The following OTOF variants were observed in gnomAD, a reference collection of about 807,000 sequenced individuals.
OTOF encodes the protein otoferlin.
Under a neutral mutation model 236.8 loss-of-function variants are expected in OTOF, and 218 were observed. That is an observed-to-expected ratio of 0.92 (90% CI 0.82 to 1.03). The LOEUF (loss-of-function observed/expected upper bound fraction) is 1.03, where lower values mean the gene tolerates loss of function less well. Among genes scored for constraint, OTOF ranks in the 50% least tolerant of loss-of-function variants. The pLI, the probability that OTOF is intolerant of heterozygous loss-of-function variation, is 0.00. For synonymous variants in OTOF, 1,041 were observed against 1,072.5 expected, an observed-to-expected ratio of 0.97 and a Z score of 0.57; for missense variants, 2,590 against 2,694.4, an observed-to-expected ratio of 0.96 and a Z score of 0.86.
intron 1 of OTOF, among the ~76,000 whole-genome samples, chr2:26,544,103 T>C (rs913842655): frequency 2.0e-5 from 3 of 152,284 alleles, no homozygotes; most frequent in African/African-American, 7.2e-5. Context: ...AGCTTATTTT[T>C]AGTAGCATGG....
intron 46 of OTOF, among the ~76,000 whole-genome samples, chr2:26,459,221 TC>T (rs1378324895): frequency 1.3e-5 from 2 of 152,158 alleles, no homozygotes; most frequent in Non-Finnish European, 2.9e-5. Flanking sequence ...CCTTCCCTTT[TC>T]CCTGTCCATA....
intron 11 of OTOF, 72 bp from the exon 12 acceptor site, chr2:26,484,705 C>T: frequency 1.3e-6 from 2 of 1,520,164 alleles, no homozygotes; most frequent in South Asian, 2.3e-5. Context: ...CAGGGCAGGC[C>T]AAGGGGTGGC....
rs1171079529 is a variant in OTOF at position 26,461,653 on chromosome 2, T to C, written c.5533+43A>G. 1.2e-6 allele frequency: 2 copies of C among 1,611,144 alleles called. No individual in the cohort carries two copies. Among genetic ancestry groups the C allele is most frequent in the African/African-American group, 2.7e-5 (2 of 74,848 alleles). ...CCGCCAACCCGGCCCCTGCCTCTTC[T>C]CAGTTCTGGATCCTGAACCCCCATC... is the stretch of plus-strand genomic sequence containing the variant. On this transcript the variant is annotated intron_variant, in intron 43 of 46. Coordinates refer to ENST00000272371, the MANE Select transcript of OTOF (RefSeq NM_194248.3). The surrounding 1 kb of genome is among the most constrained non-coding windows in gnomAD (Gnocchi z 6.2).
In OTOF at chr2:26,473,244, C is replaced by T. The variant is rs1665084488; in HGVS notation, c.3621G>A (p.Val1207=). 1.2e-6 allele frequency: 2 copies of T among 1,613,326 alleles called. No homozygotes were observed. Among genetic ancestry groups the T allele is most frequent in the Admixed American group, 1.7e-5 (1 of 60,000 alleles). The part of the protein sequence containing the change: ...LLHPPLNIRV[V]DCRAFGRYTL... ...TGTAGCGACCGAAGGCCCGGCAGTCCACCACACGGATGTTCAAGGGCGGGT... is the reference window on the plus strand; with the variant it reads ...TGTAGCGACCGAAGGCCCGGCAGTCTACCACACGGATGTTCAAGGGCGGGT... The change falls in exon 29 of 47, where the codon GTG becomes GTA. Residue 1207 remains valine, a synonymous_variant. Coordinates refer to ENST00000272371, the MANE Select transcript of OTOF (RefSeq NM_194248.3). The surrounding 1 kb of genome is among the most constrained non-coding windows in gnomAD (Gnocchi z 7.2).
At chr2:26,529,005 T>G (rs1020660617) in intron 2 of OTOF, among the ~76,000 whole-genome samples, 1 of 152,180 alleles carries the variant, frequency 6.6e-6, no homozygotes, top group African/African-American at 2.4e-5. Context: ...AAGTCATCTA[T>G]TTGCGCTCCA....
chr2:26,537,362 G>A (rs1006362433), intron 2 of OTOF, among the ~76,000 whole-genome samples: 55 of 152,302 alleles, frequency 3.6e-4, no homozygotes, highest in African/African-American at 1.1e-3. Context: ...CGCCTGCCTC[G>A]TTGGGCCCTC....
intron 25 of OTOF, 77 bp downstream of exon 25, chr2:26,475,282 T>C: frequency 6.5e-7 from 1 of 1,539,776 alleles, no homozygotes; most frequent in Non-Finnish European, 9.0e-7. Flanking sequence ...GGGCACAGCC[T>C]CAGCGCAGGT....
rs754668651 is a variant in OTOF, at chr2:26,482,437, G to A, written c.1548C>T (p.Asp516=). ...CTCCGTCATTAGAAATCTTGCGCAG[G>A]TCAATGAAGTGGGTGCCGATGGCCA... ...NDVAIGTHFI[D]LRKISNDGDK... Residue 516 remains aspartate, a synonymous_variant, in exon 14 of 47, where the codon GAC becomes GAT. Transcript: ENST00000272371. The A allele has an allele frequency of 3.1e-6, 5 of 1,613,348 alleles. No individual in the cohort carries two copies. Among genetic ancestry groups the A allele is most frequent in the East Asian group, 4.5e-5 (2 of 44,888 alleles).
chr2:26,464,041 G>C lies in OTOF; in HGVS notation c.5026C>G (p.Arg1676Gly), dbSNP rs139767460. 1 of 1,613,538 alleles carries C rather than the reference G, an allele frequency of 6.2e-7. No individual in the cohort carries two copies. Among genetic ancestry groups the C allele is most frequent in the Non-Finnish European group, 8.5e-7 (1 of 1,180,004 alleles). ...LALRHWEDIP[R>G]AGCRLVPEHV... ...TCTGGCACCAGGCGGCAGCCTGCGC[G>C]GGGGATGTCCTCCCAGTGCCTCAGG... The change falls in exon 40 of 47, where the codon CGC (arginine) becomes GGC (glycine). Residue 1676 changes from arginine to glycine, a missense_variant. This residue lies in a region of OTOF where 1,211 missense variants were observed against 1,352.8 expected (regional missense o/e 0.90). Coordinates refer to ENST00000272371, the MANE Select transcript of OTOF (RefSeq NM_194248.3).
Position 26,461,222 on chromosome 2 carries a change from C to A in OTOF, c.5534-192G>T, listed in dbSNP as rs1238043809. ...TCGTGGGCTTGCTAGGCAGCCCCAG[C>A]CCCCATGCTTTACTCAGGTCCTTCT... On this transcript the variant is annotated intron_variant, in intron 43 of 46. Transcript: ENST00000272371. The surrounding 1 kb of genome is among the most constrained non-coding windows in gnomAD (Gnocchi z 6.2). Among the ~76,000 whole-genome samples the A allele has an allele frequency of 6.6e-6, 1 of 152,160 alleles. No homozygotes were observed. Among genetic ancestry groups the A allele is most frequent in the Admixed American group, 6.5e-5 (1 of 15,286 alleles).
At chr2:26,494,040 G>GA (rs754750081) in intron 9 of OTOF, among the ~76,000 whole-genome samples, 4 of 152,212 alleles carry the variant, frequency 2.6e-5, no homozygotes, top group Non-Finnish European at 5.9e-5. Context: ...AGCTGATTAT[G>GA]ATGGGGTCCC....
At chr2:26,489,479 G>T (rs144090653) in intron 10 of OTOF, among the ~76,000 whole-genome samples, 184 bp from the exon 11 acceptor site, 1 of 152,222 alleles carries the variant, frequency 6.6e-6, no homozygotes, top group Admixed American at 6.5e-5. Context: ...GTTTACGGGC[G>T]AATGCACTAT....
chr2:26,553,025 T>C (rs1013293716), intron 1 of OTOF, among the ~76,000 whole-genome samples: 2 of 152,154 alleles, frequency 1.3e-5, no homozygotes, highest in Non-Finnish European at 2.9e-5. Context: ...AGTTTCCAAA[T>C]AGTAGCTATA....
rs1666606770 is a variant in OTOF at position 26,519,009 on chromosome 2, C to T, written c.327+1G>A. 6.2e-7 allele frequency: 1 copy of T among 1,602,514 alleles called. No individual in the cohort carries two copies. Among genetic ancestry groups the T allele is most frequent in the African/African-American group, 1.3e-5 (1 of 74,958 alleles). ...CCAGGAACTCCGTGGGGCATACCCA[C>T]CTTGATGATAGCATTGTTGTCATCA... On this transcript the variant is annotated splice_donor_variant, in intron 4 of 46. Coordinates refer to ENST00000272371, the MANE Select transcript of OTOF (RefSeq NM_194248.3). LOFTEE classifies it high-confidence loss of function.
Position 26,479,272 on chromosome 2 carries a change from C to T in OTOF, c.2206G>A (p.Asp736Asn), listed in dbSNP as rs776154354. The T allele has an allele frequency of 1.6e-5, 25 of 1,612,594 alleles. No individual in the cohort carries two copies. Among genetic ancestry groups the T allele is most frequent in the Admixed American group, 3.3e-5 (2 of 59,986 alleles). Residue 736 changes from aspartate (D) to asparagine (N), a missense_variant, in exon 18 of 47, where the codon GAC becomes AAC. Transcript: ENST00000272371. ...YNANIMDHIA[D>N]KLEEGLNDIQ... ...CCTGGCCTGGCCCTGACCAGCTTGT[C>T]GGCAATGTGGTCCATGATGTTGGCA... is the stretch of plus-strand genomic sequence containing the variant.
At chr2:26,458,630 C>G (rs540639204) in intron 46 of OTOF, among the ~76,000 whole-genome samples, 2 of 152,324 alleles carry the variant, frequency 1.3e-5, no homozygotes, top group South Asian at 4.1e-4. Context: ...TGCTGAGGGT[C>G]TGAGCAGCCC....
At chr2:26,478,429 ATGAGCTGGC>A (rs1261084879) in intron 18 of OTOF, among the ~76,000 whole-genome samples, 1 of 152,202 alleles carries the variant, frequency 6.6e-6, no homozygotes, top group Non-Finnish European at 1.5e-5. Context: ...TTTATAAAAT[ATGAGCTGGC>A]TGAGCTTCAG....
chr2:26,472,206 T>C (rs1327318052), intron 30 of OTOF: 7 of 423,460 alleles, frequency 1.7e-5, no homozygotes, highest in African/African-American at 4.1e-5. Flanking sequence ...ACGATGCACA[T>C]ATGCACACCA....
chr2:26,473,912 G>T lies in OTOF; in HGVS notation c.3408+79C>A. The T allele has an allele frequency of 6.4e-6, 10 of 1,569,068 alleles. No homozygotes were observed. Among genetic ancestry groups the T allele is most frequent in the Non-Finnish European group, 8.8e-6 (10 of 1,140,740 alleles). ...CTGGCTCCTGGTGATGGTGGTGGGA[G>T]GGGGATGACAAGCCACTTCCCCTCC... On this transcript the variant is annotated intron_variant, in intron 27 of 46. Coordinates refer to ENST00000272371, the MANE Select transcript of OTOF (RefSeq NM_194248.3). The surrounding 1 kb of genome is among the most constrained non-coding windows in gnomAD (Gnocchi z 7.2).
Sources: allele counts gnomAD v4.1 joint callset (sites outside exome capture counted in the v4.1 genomes callset), GRCh38; gene constraint gnomAD v4.1.1; regional missense constraint gnomAD v4.1.1; non-coding constraint Gnocchi (gnomAD v3.1); transcripts MANE v1.5; gene names NCBI Gene and HGNC (gene_info 2026-07-23, HGNC 2026-07-21).